SBNO1: variants seen among roughly 807,000 people sequenced by gnomAD.
SBNO1 encodes the protein protein strawberry notch homolog 1.
Under a neutral mutation model 173.6 loss-of-function variants are expected in SBNO1, and 23 were observed. The observed-to-expected ratio is 0.13, with a 90% CI of 0.10 to 0.19. SBNO1 has a LOEUF of 0.19. Among genes scored for constraint, SBNO1 ranks in the 10% least tolerant of loss-of-function variants. The pLI is 1.00. For synonymous variants in SBNO1, 632 were observed against 571.5 expected (o/e 1.11, Z -1.51); for missense variants, 1,238 against 1,671.2 (o/e 0.74, Z 4.52).
intron 7 of SBNO1, among the ~76,000 whole-genome samples, chr12:123,331,772 A>G (rs180766022): frequency 1.7e-3 from 266 of 152,012 alleles, no homozygotes; most frequent in Admixed American, 7.6e-3. Context: ...CGCCCGCCTC[A>G]GCCTCCCAAA....
At chr12:123,350,273 A>T (rs528273463) in intron 2 of SBNO1, 37 bp downstream of exon 2, 1 of 1,609,176 alleles carries the variant, frequency 6.2e-7, no homozygotes, top group African/African-American at 1.3e-5. Flanking sequence ...CTGTAAGCGG[A>T]AATCACTAAG....
At chr12:123,313,835 TC>T in intron 23 of SBNO1, 116 bp from the exon 24 acceptor site, 1 of 590,690 alleles carries the variant, frequency 1.7e-6, no homozygotes, top group Admixed American at 2.7e-5. Flanking sequence ...ATGCCTGTAA[TC>T]CCAGCACTTT....
Position 123,295,949 on chromosome 12 carries a change from G to A in SBNO1, c.4141C>T (p.Gln1381Ter). The change falls in exon 32 of 32, where the codon CAG becomes TAG. Residue 1381 changes from glutamine to a stop codon, truncating the protein, a stop_gained. Transcript: ENST00000602398. LOFTEE classifies it high-confidence loss of function. ...TTGGTGATGCTCTGAGGGTGATGCT[G>A]TTGCCATAGCTGTTTCTGTTGGACC... ...LAVQQKQLWQ[Q>*]HHPQSITNLS... 1.2e-6 allele frequency: 2 copies of A among 1,612,742 alleles called. No individual in the cohort carries two copies. Among genetic ancestry groups the A allele is most frequent in the Non-Finnish European group, 1.7e-6 (2 of 1,178,736 alleles).
In SBNO1 at chr12:123,295,105, A is replaced by G. The variant is rs2048574167; in HGVS notation, c.*803T>C. ...GCCATTTCTGCAGCACACATTAGGA[A>G]TACTATTAATACATTAAAATTAACT... is the stretch of plus-strand genomic sequence containing the variant. On this transcript the variant is annotated 3_prime_UTR_variant, in exon 32 of 32. Transcript: ENST00000602398. The G allele has an allele frequency of 6.6e-6, 1 of 152,254 alleles. No homozygotes were observed. Among genetic ancestry groups the G allele is most frequent in the South Asian group, 2.1e-4 (1 of 4,838 alleles). 9.4% of individuals were successfully genotyped at this position (152,254 alleles called of 1,614,324 possible).
At chr12:123,346,392 C>T (rs7298909) in intron 3 of SBNO1, among the ~76,000 whole-genome samples, 135,209 of 152,226 alleles carry the variant, frequency 0.89, 60,180 homozygotes, top group Middle Eastern at 0.95. Flanking sequence ...TGGCCGGGCG[C>T]GGTGGCTCAC....
chr12:123,313,063 T>C (rs1351976629), intron 24 of SBNO1, among the ~76,000 whole-genome samples: 2 of 151,576 alleles, frequency 1.3e-5, no homozygotes, highest in Non-Finnish European at 2.9e-5. Flanking sequence ...ATTAGCTGGG[T>C]GTGGTGGCAT....
intron 10 of SBNO1, 31 bp from the exon 11 acceptor site, chr12:123,328,058 A>G: frequency 1.3e-6 from 2 of 1,533,388 alleles, no homozygotes; most frequent in African/African-American, 1.4e-5. Context: ...AATGTATCAC[A>G]TTAGTATTAA....
intron 8 of SBNO1, among the ~76,000 whole-genome samples, chr12:123,330,992 G>A (rs1175666292): frequency 3.9e-5 from 6 of 151,930 alleles, no homozygotes; most frequent in Non-Finnish European, 5.9e-5. Context: ...AGACGGAGTC[G>A]CACTCTGTCA....
rs556294831 is a variant in SBNO1 at position 123,320,712 on chromosome 12, A to G, written c.2478T>C (p.Pro826=). Residue 826 remains proline, a synonymous_variant, in exon 18 of 32, where the codon CCT becomes CCC. Transcript: ENST00000602398. ...FSSTPVISPA[P]NSTPANSNTN... ...CTGTATGGATACCTGGTGTACTGTT[A>G]GGAGCAGGTGAGATAACTGGTGTAG... 14 of 1,607,714 alleles carry G rather than the reference A, an allele frequency of 8.7e-6. No homozygotes were observed. The African/African-American group carries it at 1.5e-4, about 17-fold the overall frequency.
At chr12:123,334,342 T>G in intron 6 of SBNO1, 129 bp from the exon 7 acceptor site, 1 of 625,040 alleles carries the variant, frequency 1.6e-6, no homozygotes, top group Non-Finnish European at 2.7e-6. Flanking sequence ...ACTCTGAGCT[T>G]CCATAAAAAG....
chr12:123,323,105 C>T (rs917539581), intron 16 of SBNO1, among the ~76,000 whole-genome samples: 6 of 152,106 alleles, frequency 3.9e-5, no homozygotes, highest in Non-Finnish European at 8.8e-5. Flanking sequence ...GACCTAATTT[C>T]GTATGGACCT....
intron 17 of SBNO1, 38 bp from the exon 18 acceptor site, chr12:123,320,904 TAAAAC>T: frequency 2.8e-6 from 4 of 1,427,046 alleles, no homozygotes; most frequent in Non-Finnish European, 3.8e-6. Flanking sequence ...AATCATTTGT[TAAAAC>T]AAGTACAGAA....
At chr12:123,310,692 G>T (rs947078319) in intron 25 of SBNO1, among the ~76,000 whole-genome samples, 5 of 151,948 alleles carry the variant, frequency 3.3e-5, no homozygotes, top group African/African-American at 1.2e-4. Flanking sequence ...CCGCCACCAG[G>T]CCCGGCTAAT....
At position 123,290,578 on chromosome 12, in the gene SBNO1, C is replaced by G. The variant is rs1490327342; in HGVS notation, c.*5330G>C. 1 of 152,154 alleles carries G rather than the reference C, an allele frequency of 6.6e-6. No individual in the cohort carries two copies. The highest frequency in any genetic ancestry group is 1.5e-5 in the Non-Finnish European group (1 of 68,036). The allele number at this position is 152,154 out of a possible 1,614,324, so 9.4% of individuals were successfully genotyped here. A position where few individuals can be genotyped will look rare whatever the true frequency, so the allele number is the denominator to read the frequency against. ...GGCTGATGTAGACAAGATCCACTCA[C>G]CGATACAAGGGTGGAGAGCACAGCC... is the stretch of plus-strand genomic sequence containing the variant. On this transcript the variant is annotated 3_prime_UTR_variant, in exon 32 of 32. Coordinates refer to ENST00000602398, the MANE Select transcript of SBNO1 (RefSeq NM_001167856.3).
intron 1 of SBNO1, among the ~76,000 whole-genome samples, chr12:123,358,955 T>G (rs1461091371): frequency 6.6e-6 from 1 of 151,592 alleles, no homozygotes; most frequent in Non-Finnish European, 1.5e-5. Context: ...TGTTTTGAGA[T>G]GGACTCTTGC....
intron 5 of SBNO1, among the ~76,000 whole-genome samples, chr12:123,340,352 G>A (rs548096377): frequency 4.6e-5 from 7 of 152,088 alleles, no homozygotes; most frequent in East Asian, 3.9e-4. Flanking sequence ...AGGCTGAGGC[G>A]GGCAGATTAC....
At chr12:123,297,655 C>G (rs368918329) in intron 31 of SBNO1, among the ~76,000 whole-genome samples, 4 of 151,978 alleles carry the variant, frequency 2.6e-5, no homozygotes, top group Non-Finnish European at 4.4e-5. Context: ...CTTAAGTTAG[C>G]TCAATGGAGA....
At chr12:123,321,976 T>C (rs1269997971) in intron 16 of SBNO1, among the ~76,000 whole-genome samples, 1 of 152,166 alleles carries the variant, frequency 6.6e-6, no homozygotes, top group Non-Finnish European at 1.5e-5. Context: ...AAGACTGCCT[T>C]CAAGTGCACA....
intron 1 of SBNO1, among the ~76,000 whole-genome samples, chr12:123,357,400 G>A (rs996488966): frequency 2.6e-5 from 4 of 151,584 alleles, no homozygotes; most frequent in Non-Finnish European, 5.9e-5. Context: ...AGTGAGCCGA[G>A]ACTGCACCAC....
Sources: allele counts gnomAD v4.1 joint callset (sites outside exome capture counted in the v4.1 genomes callset), GRCh38; gene constraint gnomAD v4.1.1; transcripts MANE v1.5; gene names NCBI Gene and HGNC (gene_info 2026-07-23, HGNC 2026-07-21).